Variants in FANCB observed in about 807,000 individuals in gnomAD.
The protein encoded by FANCB is FA complementation group B, also known as Fanconi anemia group B protein.
A neutral mutation model predicts 38.9 loss-of-function variants in FANCB; 5 were observed. The observed-to-expected ratio is 0.13, with a 90% CI of 0.07 to 0.27. The LOEUF (loss-of-function observed/expected upper bound fraction) is 0.27, where lower values mean the gene tolerates loss of function less well. Among genes scored for constraint, FANCB ranks in the 10% least tolerant of loss-of-function variants. The probability of loss-of-function intolerance (pLI) is 1.00; values close to 1 mark genes in which losing one functional copy is unlikely to be tolerated. For missense variants in FANCB, 573 were observed against 602.7 expected, an observed-to-expected ratio of 0.95 and a Z score of 0.52; for synonymous variants, 236 against 215.4, an observed-to-expected ratio of 1.10 and a Z score of -0.84.
the FANCB span, among the ~76,000 whole-genome samples, chrX:14,809,740 C>A: frequency 1.5e-4 from 17 of 112,911 alleles, no homozygotes; most frequent in African/African-American, 4.8e-4. Context: ...GCAGGCTCCA[C>A]CTCTGGGGGC....
At chrX:14,851,226 T>C (rs1056504669) in intron 6 of FANCB, among the ~76,000 whole-genome samples, 9 of 112,161 alleles carry the variant, frequency 8.0e-5, no homozygotes, top group Non-Finnish European at 1.3e-4. Context: ...ACAACATCTA[T>C]TGAGTGTTTA....
At chrX:14,767,766 A>G in the FANCB span, among the ~76,000 whole-genome samples, 4 of 112,314 alleles carry the variant, frequency 3.6e-5, no homozygotes, top group Admixed American at 9.4e-5. Context: ...GCCTGTGCCT[A>G]TGTCCTGAAT....
chrX:14,835,907 C>A (rs1235308798), downstream of FANCB: 1 of 112,325 alleles, frequency 8.9e-6, no homozygotes, highest in East Asian at 2.8e-4. Flanking sequence ...TATGATCTAG[C>A]AATCTCACTT....
the FANCB span, among the ~76,000 whole-genome samples, chrX:14,796,684 G>A: frequency 6.1e-5 from 3 of 48,838 alleles, no homozygotes; most frequent in Non-Finnish European, 1.1e-4. Context: ...ACACACACAC[G>A]TCTATATATA....
At chrX:14,815,236 G>A in the FANCB span, among the ~76,000 whole-genome samples, 1 of 110,492 alleles carries the variant, frequency 9.1e-6, no homozygotes, top group Non-Finnish European at 1.9e-5. Context: ...GAGTTACTGG[G>A]TGCAGCAAGC....
chrX:14,829,691 T>C, the FANCB span, among the ~76,000 whole-genome samples: 1 of 111,669 alleles, frequency 9.0e-6, no homozygotes, highest in African/African-American at 3.3e-5. Flanking sequence ...TTTCTTCCAA[T>C]TCCCTCACCT....
chrX:14,734,630 A>C, the FANCB span, among the ~76,000 whole-genome samples: 1 of 111,792 alleles, frequency 8.9e-6, no homozygotes, highest in Non-Finnish European at 1.9e-5. Context: ...GGGTAACCCA[A>C]CCTTTCTCTC....
intron 2 of FANCB, among the ~76,000 whole-genome samples, chrX:14,867,255 A>T (rs1016648293): frequency 2.7e-5 from 3 of 111,643 alleles, no homozygotes; most frequent in Non-Finnish European, 5.7e-5. Context: ...ATGGGACCAC[A>T]AAAGACCCCT....
the FANCB span, among the ~76,000 whole-genome samples, chrX:14,708,646 G>A: frequency 8.9e-6 from 1 of 111,820 alleles, no homozygotes; most frequent in African/African-American, 3.3e-5. Flanking sequence ...GGAGAAAAGA[G>A]AGACATCAGG....
the FANCB span, among the ~76,000 whole-genome samples, chrX:14,798,129 G>T: frequency 9.4e-6 from 1 of 105,977 alleles, no homozygotes; most frequent in Non-Finnish European, 1.9e-5. Context: ...TTCCTGTTTT[G>T]TTTTTGTTTT....
At chrX:14,861,431 T>C (rs989079824) in intron 3 of FANCB, among the ~76,000 whole-genome samples, 1 of 111,708 alleles carries the variant, frequency 9.0e-6, no homozygotes, top group Non-Finnish European at 1.9e-5. Context: ...ATTTTACCTA[T>C]CTTTGTAAGC....
At position 14,845,119 on chromosome X, in the gene FANCB, G is replaced by A. The variant is rs2092370867; in HGVS notation, c.1664C>T (p.Thr555Ile). Residue 555 changes from threonine (T) to isoleucine (I), a missense_variant, in exon 8 of 10, where the codon ACC (threonine) becomes ATC (isoleucine). Thr to Ile is a moderately conservative substitution (Grantham distance 89). Transcript: ENST00000650831. ...IGLEAKRVTLTPDSKKEESFV... is the reference protein window; with the variant it reads ...IGLEAKRVTLIPDSKKEESFV... ...GCTTTCCTCTTTCTTGCTATCAGGG[G>A]TCAACGTGACCCTTTTTGCTTCCAA... 8.3e-7 allele frequency: 1 copy of A among 1,211,300 alleles called. No homozygotes were observed. Among genetic ancestry groups the A allele is most frequent in the Non-Finnish European group, 1.1e-6 (1 of 895,057 alleles).
At chrX:14,859,378 T>A (rs1218235244) in intron 3 of FANCB, 44 bp from the exon 4 acceptor site, 1 of 996,925 alleles carries the variant, frequency 1.0e-6, no homozygotes, top group Non-Finnish European at 1.4e-6. Context: ...CAAGAAAAAA[T>A]CGAATGTGAA....
intron 2 of FANCB, among the ~76,000 whole-genome samples, chrX:14,866,159 TA>T (rs11409937): frequency 2.7e-5 from 3 of 111,720 alleles, no homozygotes; most frequent in Non-Finnish European, 5.7e-5. Context: ...AACAAGGCTT[TA>T]AAAAATCTCC....
the FANCB span, among the ~76,000 whole-genome samples, chrX:14,720,742 T>C: frequency 8.9e-6 from 1 of 112,156 alleles, no homozygotes; most frequent in African/African-American, 3.2e-5. Flanking sequence ...CTTTTTAGTC[T>C]ATTTATTGTC....
chrX:14,822,151 G>A, the FANCB span, among the ~76,000 whole-genome samples: 5 of 111,029 alleles, frequency 4.5e-5, no homozygotes, highest in African/African-American at 1.6e-4. Context: ...GTCCTTTGGA[G>A]AGGTCTGAGA....
the FANCB span, among the ~76,000 whole-genome samples, chrX:14,794,223 A>G: frequency 9.0e-6 from 1 of 111,720 alleles, no homozygotes; most frequent in Non-Finnish European, 1.9e-5. Context: ...TCTTAGAGGC[A>G]GAATCAACAG....
intron 3 of FANCB, among the ~76,000 whole-genome samples, chrX:14,859,965 C>G (rs2092439759): frequency 9.0e-6 from 1 of 111,324 alleles, no homozygotes; most frequent in Admixed American, 9.5e-5. Context: ...GTATCGGGTA[C>G]ACAGGTGAGG....
chrX:14,750,081 C>T, the FANCB span, among the ~76,000 whole-genome samples: 9 of 111,813 alleles, frequency 8.0e-5, no homozygotes, highest in Non-Finnish European at 1.7e-4. Flanking sequence ...GGGCTGAAGA[C>T]GATTCACAAA....
Sources: allele counts gnomAD v4.1 joint callset (sites outside exome capture counted in the v4.1 genomes callset), GRCh38; gene constraint gnomAD v4.1.1; transcripts MANE v1.5; gene names NCBI Gene and HGNC (gene_info 2026-07-23, HGNC 2026-07-21).